CEP112: variants seen among roughly 807,000 people sequenced by gnomAD.
The protein encoded by CEP112 is centrosomal protein 112, also known as centrosomal protein of 112 kDa.
A neutral mutation model predicts 153.0 loss-of-function variants in CEP112; 127 were observed. The observed-to-expected ratio is 0.83, with a 90% CI of 0.72 to 0.96. The LOEUF (loss-of-function observed/expected upper bound fraction) is 0.96, where lower values mean the gene tolerates loss of function less well. Ranked by LOEUF, CEP112 falls within the 40% of genes least tolerant of loss-of-function variation. The pLI is 0.00. For missense variants in CEP112, 1,089 were observed against 1,101.2 expected, an observed-to-expected ratio of 0.99 and a Z score of 0.16; for synonymous variants, 358 against 374.4, an observed-to-expected ratio of 0.96 and a Z score of 0.51.
chr17:65,642,330 C>T (rs191165777), intron 24 of CEP112, among the ~76,000 whole-genome samples: 3 of 152,220 alleles, frequency 2.0e-5, no homozygotes, highest in East Asian at 3.9e-4. Context: ...AAATTGTGTA[C>T]GACTGAGTTG....
chr17:66,032,975 A>G (rs1459571100), intron 12 of CEP112, among the ~76,000 whole-genome samples: 1 of 152,260 alleles, frequency 6.6e-6, no homozygotes, highest in African/African-American at 2.4e-5. Context: ...CAATAATAAC[A>G]GATGCATACA....
chr17:65,823,648 C>A (rs1313630715), intron 21 of CEP112, among the ~76,000 whole-genome samples: 1 of 152,104 alleles, frequency 6.6e-6, no homozygotes, highest in African/African-American at 2.4e-5. Flanking sequence ...AAAGAGTAAA[C>A]TGGTAAGTCA....
intron 17 of CEP112, among the ~76,000 whole-genome samples, chr17:65,992,012 C>A (rs2063613444): frequency 2.4e-5 from 3 of 125,316 alleles, no homozygotes. Flanking sequence ...TTGCAGTAGG[C>A]AATGTTCCAT....
chr17:65,878,622 CG>C (rs2058933392), intron 20 of CEP112, among the ~76,000 whole-genome samples: 1 of 151,852 alleles, frequency 6.6e-6, no homozygotes, highest in Non-Finnish European at 1.5e-5. Context: ...CTGTGAAAGC[CG>C]GAACTAGTGG....
chr17:66,026,687 T>A (rs987124867), intron 16 of CEP112, among the ~76,000 whole-genome samples: 35 of 152,190 alleles, frequency 2.3e-4, no homozygotes, highest in Non-Finnish European at 3.1e-4. Context: ...GTCCCTTTTA[T>A]AAAATGGTGT....
intron 17 of CEP112, among the ~76,000 whole-genome samples, chr17:65,970,388 T>A (rs62064275): frequency 0.37 from 4,104 of 11,078 alleles, 218 homozygotes; most frequent in South Asian, 0.51. Context: ...CATGCATATA[T>A]ATTACATGCA....
At chr17:66,168,461 ATG>A (rs3031744) in intron 4 of CEP112, among the ~76,000 whole-genome samples, 36,626 of 142,516 alleles carry the variant, frequency 0.26, 4,633 homozygotes, top group Middle Eastern at 0.39. Flanking sequence ...ATATATGTAT[ATG>A]TGTGTGTATA....
chr17:66,043,714 A>C (rs1451889567), intron 12 of CEP112, among the ~76,000 whole-genome samples: 3 of 152,238 alleles, frequency 2.0e-5, no homozygotes, highest in African/African-American at 7.2e-5. Context: ...TTGTTTTAAA[A>C]ATCTATTGTT....
intron 24 of CEP112, among the ~76,000 whole-genome samples, chr17:65,674,185 T>C (rs755931654): frequency 1.4e-4 from 21 of 152,224 alleles, no homozygotes; most frequent in Non-Finnish European, 2.8e-4. Flanking sequence ...AATAAACTTC[T>C]ATAGATCAAA....
intron 24 of CEP112, among the ~76,000 whole-genome samples, chr17:65,658,167 G>C (rs1431582863): frequency 6.6e-6 from 1 of 152,218 alleles, no homozygotes; most frequent in African/African-American, 2.4e-5. Flanking sequence ...CAGGTACACA[G>C]TGCGTAACTG....
chr17:66,053,963 T>C (rs1412694782), intron 11 of CEP112, 84 bp from the exon 12 acceptor site: 2 of 1,078,244 alleles, frequency 1.9e-6, no homozygotes, highest in East Asian at 2.5e-5. Flanking sequence ...GGTTTCTATA[T>C]TCCTCTATTT....
At chr17:66,053,698 C>T in intron 12 of CEP112, 38 bp downstream of exon 12, 1 of 1,580,680 alleles carries the variant, frequency 6.3e-7, no homozygotes, top group Non-Finnish European at 8.6e-7. Flanking sequence ...ATTGAGAAGA[C>T]AGGTTCTAAG....
intron 20 of CEP112, among the ~76,000 whole-genome samples, chr17:65,883,768 A>C (rs2059172935): frequency 6.6e-6 from 1 of 152,234 alleles, no homozygotes; most frequent in Admixed American, 6.5e-5. Context: ...ATGTCTGTTG[A>C]GAAAAATAAG....
intron 16 of CEP112, among the ~76,000 whole-genome samples, chr17:66,025,983 C>CA (rs201455223): frequency 7.6e-6 from 1 of 131,840 alleles, no homozygotes; most frequent in African/African-American, 2.8e-5. Context: ...CACACACACA[C>CA]CCCATTTGTA....
Position 65,710,915 on chromosome 17 carries a change from T to G in CEP112, c.2608-21697A>C, listed in dbSNP as rs185388803. Among the ~76,000 whole-genome samples the G allele has an allele frequency of 4.2e-3, 638 of 152,346 alleles. 3 individuals carry two copies. Among genetic ancestry groups the G allele is most frequent in the Non-Finnish European group, 6.8e-3 (462 of 68,028 alleles). ...TTAAAAAGTGAAAACTGGGCGCTTC[T>G]GTCTAAAAACTAATTAATTCCTGTG... On this transcript the variant is annotated intron_variant, in intron 23 of 26. Transcript: ENST00000535342.
intron 24 of CEP112, among the ~76,000 whole-genome samples, chr17:65,653,462 G>A (rs1227233088): frequency 6.6e-6 from 1 of 152,166 alleles, no homozygotes; most frequent in East Asian, 1.9e-4. Flanking sequence ...AAGGGGGCAG[G>A]AGGAGGGGAG....
At chr17:65,826,171 C>A in intron 21 of CEP112, 2 of 1,614,102 alleles carry the variant, frequency 1.2e-6, no homozygotes, top group Non-Finnish European at 8.5e-7. Flanking sequence ...TTCCTGTATC[C>A]CTCAGAGGCT....
chr17:65,985,638 C>T (rs957355055), intron 17 of CEP112, among the ~76,000 whole-genome samples: 2 of 151,966 alleles, frequency 1.3e-5, no homozygotes, highest in South Asian at 2.1e-4. Flanking sequence ...ATCAAAGAAC[C>T]GTTCATGACA....
chr17:66,182,851 C>T (rs1470099473), intron 2 of CEP112, among the ~76,000 whole-genome samples: 1 of 152,056 alleles, frequency 6.6e-6, no homozygotes, highest in African/African-American at 2.4e-5. Flanking sequence ...CTGTCTCTGG[C>T]CCTTTCCATA....
Sources: allele counts gnomAD v4.1 joint callset (sites outside exome capture counted in the v4.1 genomes callset), GRCh38; gene constraint gnomAD v4.1.1; transcripts MANE v1.5; gene names NCBI Gene and HGNC (gene_info 2026-07-23, HGNC 2026-07-21).